Variants in ENOX1 observed in about 807,000 individuals in gnomAD.
The protein encoded by ENOX1 is candidate growth-related and time keeping constitutive hydroquinone (NADH) oxidase.
A neutral mutation model predicts 82.5 loss-of-function variants in ENOX1; 42 were observed. The ratio of observed to expected loss-of-function variants is 0.51; its 90% CI spans 0.40 to 0.66. The LOEUF is 0.66. ENOX1 is among the 30% of genes least tolerant of loss of function. ENOX1 has a pLI of 0.00. For missense variants in ENOX1, 608 were observed against 811.6 expected (o/e 0.75, Z 3.05); for synonymous variants, 271 against 282.2 (o/e 0.96, Z 0.40).
intron 2 of ENOX1, chr13:43,543,913 C>CTTTTTTTTTTTTTTTTTTTTTTTTTTT (rs11324994): frequency 1.0e-5 from 1 of 97,422 alleles, no homozygotes; most frequent in African/African-American, 4.0e-5. Context: ...TTTTCTTTTT[C>CTTTTTTTTTTTTTTTTTTTTTTTTTTT]TTTTTTTTTT....
chr13:43,347,937 T>G (rs1433246402), intron 8 of ENOX1, among the ~76,000 whole-genome samples: 2 of 152,294 alleles, frequency 1.3e-5, no homozygotes, highest in Middle Eastern at 3.4e-3. Context: ...TTACCCACCG[T>G]TTTCTAATCA....
chr13:43,501,045 C>T (rs1207479206), intron 2 of ENOX1, among the ~76,000 whole-genome samples: 1 of 151,524 alleles, frequency 6.6e-6, no homozygotes, highest in East Asian at 1.9e-4. Context: ...TAGTATTTTA[C>T]TTATCAATAA....
intron 3 of ENOX1, among the ~76,000 whole-genome samples, chr13:43,478,444 C>G (rs1238714115): frequency 6.6e-6 from 1 of 151,738 alleles, no homozygotes; most frequent in Non-Finnish European, 1.5e-5. Context: ...AACTTGATGT[C>G]GTATGCAAAA....
At chr13:43,784,041 G>A (rs1268451100) in intron 1 of ENOX1, among the ~76,000 whole-genome samples, 1 of 152,148 alleles carries the variant, frequency 6.6e-6, no homozygotes, top group Non-Finnish European at 1.5e-5. Context: ...TGATCTATTG[G>A]CCAATTCTAC....
chr13:43,726,875 G>C (rs899106787), intron 1 of ENOX1, among the ~76,000 whole-genome samples: 1 of 152,054 alleles, frequency 6.6e-6, no homozygotes, highest in Non-Finnish European at 1.5e-5. Flanking sequence ...CCGAGGAGCT[G>C]GGATTACAGG....
chr13:43,661,293 T>A (rs1488339168), intron 2 of ENOX1, among the ~76,000 whole-genome samples: 1 of 152,154 alleles, frequency 6.6e-6, no homozygotes, highest in East Asian at 1.9e-4. Flanking sequence ...TATGAGAGGA[T>A]TTGATGCAGA....
chr13:43,549,415 A>C (rs2153698676), intron 2 of ENOX1, among the ~76,000 whole-genome samples: 1 of 152,358 alleles, frequency 6.6e-6, no homozygotes, highest in South Asian at 2.1e-4. Flanking sequence ...AGTACTTTAA[A>C]ATAACTCATT....
intron 2 of ENOX1, among the ~76,000 whole-genome samples, chr13:43,521,270 G>A (rs2077757264): frequency 6.6e-6 from 1 of 152,012 alleles, no homozygotes; most frequent in Non-Finnish European, 1.5e-5. Flanking sequence ...AAACTCCAAA[G>A]GATGAGTTCA....
intron 1 of ENOX1, among the ~76,000 whole-genome samples, chr13:43,780,999 C>T (rs980038355): frequency 6.6e-6 from 1 of 152,210 alleles, no homozygotes; most frequent in Admixed American, 6.5e-5. Context: ...TTTGGACTTG[C>T]TGCCATAACC....
At chr13:43,769,977 TCCA>T (rs1003203113) in intron 1 of ENOX1, among the ~76,000 whole-genome samples, 6 of 152,344 alleles carry the variant, frequency 3.9e-5, no homozygotes, top group South Asian at 2.1e-4. Context: ...TATCTTTTGA[TCCA>T]GCAATTTCTC....
At chr13:43,470,365 C>T (rs80326554) in intron 3 of ENOX1, among the ~76,000 whole-genome samples, 13,668 of 26,070 alleles carry the variant, frequency 0.52, 3,209 homozygotes, top group Non-Finnish European at 0.64. Context: ...TATATATATA[C>T]GTATATATAT....
At chr13:43,626,727 T>C (rs1190084333) in intron 2 of ENOX1, among the ~76,000 whole-genome samples, 2 of 151,910 alleles carry the variant, frequency 1.3e-5, no homozygotes, top group South Asian at 2.1e-4. Flanking sequence ...TTTTGGGATA[T>C]AGTCCACAGG....
At chr13:43,742,448 T>TGAGTGTGA (rs1272580716) in intron 1 of ENOX1, among the ~76,000 whole-genome samples, 121 of 152,106 alleles carry the variant, frequency 8.0e-4, no homozygotes, top group African/African-American at 2.7e-3. Context: ...TGTGTGTGTG[T>TGAGTGTGA]GAGTGTGAGA....
At chr13:43,256,986 A>G (rs1205710497) in intron 14 of ENOX1, among the ~76,000 whole-genome samples, 2 of 152,264 alleles carry the variant, frequency 1.3e-5, no homozygotes, top group African/African-American at 2.4e-5. Context: ...CATACAGAGA[A>G]TGGAATCCTG....
At chr13:43,296,599 A>G (rs2046298679) in intron 12 of ENOX1, among the ~76,000 whole-genome samples, 1 of 152,178 alleles carries the variant, frequency 6.6e-6, no homozygotes, top group Non-Finnish European at 1.5e-5. Flanking sequence ...GAGATTCTGA[A>G]AAGTTATGAG....
At chr13:43,548,533 T>C (rs1177966061) in intron 2 of ENOX1, among the ~76,000 whole-genome samples, 2 of 152,210 alleles carry the variant, frequency 1.3e-5, no homozygotes, top group African/African-American at 4.8e-5. Flanking sequence ...TATCAGGACT[T>C]CCAGATTTAC....
At chr13:43,762,587 C>A (rs989343196) in intron 1 of ENOX1, among the ~76,000 whole-genome samples, 1 of 152,148 alleles carries the variant, frequency 6.6e-6, no homozygotes, top group African/African-American at 2.4e-5. Flanking sequence ...AAGTCTCTAG[C>A]CTCCAGTAAA....
intron 2 of ENOX1, among the ~76,000 whole-genome samples, chr13:43,607,212 C>T (rs892455238): frequency 6.6e-6 from 1 of 151,704 alleles, no homozygotes; most frequent in African/African-American, 2.4e-5. Flanking sequence ...TTCATGTACC[C>T]CTTAAATGTG....
intron 1 of ENOX1, among the ~76,000 whole-genome samples, chr13:43,748,435 A>G (rs1404956737): frequency 1.3e-5 from 2 of 152,230 alleles, no homozygotes; most frequent in African/African-American, 2.4e-5. Flanking sequence ...CATTGACTAA[A>G]AAGTTCTAAA....
Sources: gnomAD v4.1 joint callset for allele counts (sites outside exome capture counted in the v4.1 genomes callset) on GRCh38, gnomAD v4.1.1 for gene constraint, MANE v1.5 for transcripts, NCBI Gene and HGNC (gene_info 2026-07-23, HGNC 2026-07-21) for gene names.